The following DCAF11 variants were observed in gnomAD, a reference collection of about 807,000 sequenced individuals.
The protein encoded by DCAF11 is DDB1 and CUL4 associated factor 11.
Under a neutral mutation model 76.1 loss-of-function variants are expected in DCAF11, and 44 were observed. The ratio of observed to expected loss-of-function variants is 0.58; its 90% CI spans 0.45 to 0.74. The LOEUF (loss-of-function observed/expected upper bound fraction) is 0.74, where lower values mean the gene tolerates loss of function less well. DCAF11 is among the 30% of genes least tolerant of loss of function. The probability of loss-of-function intolerance (pLI) is 0.00; values close to 1 mark genes in which losing one functional copy is unlikely to be tolerated. For synonymous variants in DCAF11, 258 were observed against 255.0 expected (o/e 1.01, Z -0.11); for missense variants, 604 against 709.4 (o/e 0.85, Z 1.69).
In DCAF11 at chr14:24,120,902, G is replaced by A. The variant is rs1216980455; in HGVS notation, c.1157G>A (p.Arg386His). 3.1e-6 allele frequency: 5 copies of A among 1,614,168 alleles called. No individual in the cohort carries two copies. The highest frequency in any genetic ancestry group is 1.6e-4 in the Middle Eastern group (1 of 6,062). Residue 386 changes from arginine (R) to histidine (H), a missense_variant, in exon 12 of 15, where the codon CGC (arginine) becomes CAC (histidine). Physicochemically the swap from Arg to His is conservative, Grantham distance 29. Transcript: ENST00000446197. ...DQTIKLWDIR[R>H]FSSREGMEAS... ...ACCATCAAACTCTGGGATATCCGAC[G>A]CTTTTCCAGCCGGGAAGGCATGGAA...
Position 24,117,146 on chromosome 14 carries a change from G to C in DCAF11, c.283+102G>C, listed in dbSNP as rs755234465. ...TTGAAAGAAGGTACGATAATTTAAG[G>C]AATAAGGAGTCCTTACAGCCCCAGT... On this transcript the variant is annotated intron_variant, in intron 3 of 14. Coordinates refer to ENST00000446197, the MANE Select transcript of DCAF11 (RefSeq NM_025230.5). The surrounding 1 kb of genome is among the most constrained non-coding windows in gnomAD (Gnocchi z 4.3). The C allele has an allele frequency of 6.2e-6, 10 of 1,606,564 alleles. No individual in the cohort carries two copies. Among genetic ancestry groups the C allele is most frequent in the Non-Finnish European group, 8.5e-6 (10 of 1,175,364 alleles).
At chr14:24,121,769 G>T (rs1361726165) in intron 13 of DCAF11, 2 of 425,282 alleles carry the variant, frequency 4.7e-6, no homozygotes, top group African/African-American at 3.9e-5. Context: ...CTGTTTTTCA[G>T]CCAGTCAAGA....
In DCAF11 at chr14:24,114,960, T is replaced by C; in HGVS notation, c.-547T>C. On this transcript the variant is annotated 5_prime_UTR_variant, in exon 1 of 15. Coordinates refer to ENST00000446197, the MANE Select transcript of DCAF11 (RefSeq NM_025230.5). ...TCGCGTGGGGCGGTTACCGCCGGCT[T>C]CAGTGGGAGGTGCTTCTCGGCTTCC... 1 of 986,000 alleles carries C rather than the reference T, an allele frequency of 1.0e-6. No individual in the cohort carries two copies. The highest frequency in any genetic ancestry group is 1.2e-6 in the Non-Finnish European group (1 of 829,996). The allele number at this position is 986,000 out of a possible 1,614,324, so 61.1% of individuals were successfully genotyped here.
intron 13 of DCAF11, among the ~76,000 whole-genome samples, chr14:24,122,490 C>CAAAAA (rs552258351): frequency 6.5e-5 from 3 of 46,400 alleles, no homozygotes; most frequent in Non-Finnish European, 1.3e-4. Flanking sequence ...GACTCCATCT[C>CAAAAA]AAAAAAAAAA....
At chr14:24,119,917 G>A (rs377174791) in intron 11 of DCAF11, 21 bp downstream of exon 11, 1 of 1,584,532 alleles carries the variant, frequency 6.3e-7, no homozygotes, top group African/African-American at 1.3e-5. Context: ...AGTCAGGACT[G>A]TACAGCCAGG....
At chr14:24,116,573 T>TG (rs2037573145) in intron 2 of DCAF11, among the ~76,000 whole-genome samples, 1 of 152,200 alleles carries the variant, frequency 6.6e-6, no homozygotes. Context: ...CAGAAGGAAA[T>TG]GCTGTGAGGA....
At chr14:24,123,133 G>T in intron 14 of DCAF11, 42 bp from the exon 15 acceptor site, 5 of 1,614,104 alleles carry the variant, frequency 3.1e-6, no homozygotes, top group Non-Finnish European at 4.2e-6. Flanking sequence ...GACTTGGGTG[G>T]GGGCAGCACA....
chr14:24,115,898 C>T (rs1330058364), intron 2 of DCAF11, 149 bp downstream of exon 2: 4 of 1,004,596 alleles, frequency 4.0e-6, no homozygotes, highest in Non-Finnish European at 5.6e-6. Flanking sequence ...TGCTGGGCAC[C>T]CATGGCACTC....
In DCAF11 at chr14:24,119,564, A is replaced by G. The variant is rs376746552; in HGVS notation, c.854A>G (p.Asn285Ser). The G allele has an allele frequency of 6.8e-6, 11 of 1,614,214 alleles. No individual in the cohort carries two copies. The highest frequency in any genetic ancestry group is 3.3e-5 in the Admixed American group (2 of 60,018). The change falls in exon 10 of 15, where the codon AAT (asparagine) becomes AGT (serine). Residue 285 changes from asparagine to serine, a missense_variant. Physicochemically the swap from Asn to Ser is conservative, Grantham distance 46 (BLOSUM62 1). Coordinates refer to ENST00000446197, the MANE Select transcript of DCAF11 (RefSeq NM_025230.5). ...CTTTATCCCTTCCCTTTCAGGGCCA[A>G]TGATGGCTGCCTGTATGTCTTTGAC... ...SDGREVLGGA[N>S]DGCLYVFDRE...
In DCAF11 at chr14:24,123,206, G is replaced by T. The variant is rs376302649; in HGVS notation, c.1538G>T (p.Arg513Leu). 4 of 1,598,592 alleles carry T rather than the reference G, an allele frequency of 2.5e-6. No individual in the cohort carries two copies. In the African/African-American group the frequency reaches 5.4e-5, roughly 21 times the overall value. The change falls in exon 15 of 15, where the codon CGC (arginine) becomes CTC (leucine). Residue 513 changes from arginine (R) to leucine (L), a missense_variant. By Grantham distance (102) the Arg-to-Leu change is moderately radical. Coordinates refer to ENST00000446197, the MANE Select transcript of DCAF11 (RefSeq NM_025230.5). The stretch of plus-strand genomic sequence containing the variant: ...GGGAACCTGCGTCTGTGGCAGTACC[G>T]CCAGGCTGAGTACTTCCAGGATGAC... ...WDGNLRLWQY[R>L]QAEYFQDDMP...
In DCAF11 at chr14:24,115,770, A is replaced by T. The variant is rs371818343; in HGVS notation, c.155+21A>T. 75 of 1,605,876 alleles carry T rather than the reference A, an allele frequency of 4.7e-5. No individual in the cohort carries two copies. The African/African-American group carries it at 9.8e-4, about 21-fold the overall frequency. ...CGCAGGTAACTTACCCTCTGGTGTGACCCCCAGCAGGTGCTACCACAGTGC... is the reference window on the plus strand; with the variant it reads ...CGCAGGTAACTTACCCTCTGGTGTGTCCCCCAGCAGGTGCTACCACAGTGC... On this transcript the variant is annotated intron_variant, in intron 2 of 14. Transcript: ENST00000446197.
chr14:24,114,827 C>G lies in DCAF11; in HGVS notation c.-680C>G, dbSNP rs1594329614. Reference sequence around the variant, plus strand: ...AGGAAGCCGCGAGATGCGTGACGAGCGAAGCGCGTGACGGAGGAGCGGTTG... The same window carrying G: ...AGGAAGCCGCGAGATGCGTGACGAGGGAAGCGCGTGACGGAGGAGCGGTTG... On this transcript the variant is annotated 5_prime_UTR_variant, in exon 1 of 15. Coordinates refer to ENST00000446197, the MANE Select transcript of DCAF11 (RefSeq NM_025230.5). 1 of 985,962 alleles carries G rather than the reference C, an allele frequency of 1.0e-6. No homozygotes were observed. Among genetic ancestry groups the G allele is most frequent in the East Asian group, 1.1e-4 (1 of 8,814 alleles). 61.1% of individuals were successfully genotyped at this position (985,962 alleles called of 1,614,324 possible).
At position 24,117,962 on chromosome 14, in the gene DCAF11, T is replaced by A; in HGVS notation, c.477-93T>A. On this transcript the variant is annotated intron_variant, in intron 5 of 14. Transcript: ENST00000446197. The surrounding 1 kb of genome is among the most constrained non-coding windows in gnomAD (Gnocchi z 4.3). ...CTCACAGCCAAAAGGGAAGAATGAC[T>A]GTTCTGATATTCCAGCTCTGTTAGG... is the stretch of plus-strand genomic sequence containing the variant. The A allele has an allele frequency of 1.0e-6, 1 of 987,546 alleles. No homozygotes were observed. The highest frequency in any genetic ancestry group is 1.5e-5 in the South Asian group (1 of 66,128). 61.2% of individuals were successfully genotyped at this position (987,546 alleles called of 1,614,324 possible). A position where few individuals can be genotyped will look rare whatever the true frequency, so the allele number is the denominator to read the frequency against.
intron 12 of DCAF11, 138 bp downstream of exon 12, chr14:24,121,129 TG>T (rs1161827917): frequency 7.5e-6 from 10 of 1,331,798 alleles, no homozygotes; most frequent in Admixed American, 5.0e-5. Flanking sequence ...TTCCTAGGAT[TG>T]GGGCCTGGGT....
intron 9 of DCAF11, 67 bp downstream of exon 9, chr14:24,119,280 T>C (rs932458463): frequency 6.0e-5 from 96 of 1,587,856 alleles, no homozygotes; most frequent in Non-Finnish European, 8.0e-5. Flanking sequence ...TGAGTTCTGC[T>C]GTTACACAGA....
chr14:24,115,451 C>T lies in DCAF11; in HGVS notation c.-144C>T, dbSNP rs2139007718. ...GGCTAAAGAAAAGGGATCTCAGCCC[C>T]GAGGAAGGGTCACCCTCCTAGAGAT... On this transcript the variant is annotated 5_prime_UTR_variant, in exon 2 of 15. Transcript: ENST00000446197. 6 of 1,217,976 alleles carry T rather than the reference C, an allele frequency of 4.9e-6. No homozygotes were observed. The East Asian group carries it at 1.3e-4, about 26-fold the overall frequency. 75.4% of individuals were successfully genotyped at this position (1,217,976 alleles called of 1,614,324 possible).
At position 24,121,086 on chromosome 14, in the gene DCAF11, T is replaced by C; in HGVS notation, c.1246+95T>C. ...CCCTCTTTGCCAGGCATTAACTCTT[T>C]ATTTGCTAAATCATGGATGGAATGG... On this transcript the variant is annotated intron_variant, in intron 12 of 14. Transcript: ENST00000446197. 7 of 1,506,704 alleles carry C rather than the reference T, an allele frequency of 4.6e-6. No individual in the cohort carries two copies. The South Asian group carries it at 8.9e-5, about 19-fold the overall frequency. 93.3% of individuals were successfully genotyped at this position (1,506,704 alleles called of 1,614,324 possible). A position where few individuals can be genotyped will look rare whatever the true frequency, so the allele number is the denominator to read the frequency against.
chr14:24,115,938 C>T (rs1322254097), intron 2 of DCAF11, among the ~76,000 whole-genome samples, 189 bp downstream of exon 2: 1 of 151,994 alleles, frequency 6.6e-6, no homozygotes, highest in Admixed American at 6.6e-5. Context: ...GTGGTTCTTA[C>T]CTAGGGAGGG....
In DCAF11 at chr14:24,117,530, A is replaced by G. The variant is rs760388233; in HGVS notation, c.411+137A>G. 24 of 1,522,958 alleles carry G rather than the reference A, an allele frequency of 1.6e-5. No homozygotes were observed. The highest frequency in any genetic ancestry group is 2.1e-5 in the Non-Finnish European group (24 of 1,120,240). The allele number at this position is 1,522,958 out of a possible 1,614,324, so 94.3% of individuals were successfully genotyped here. A position where few individuals can be genotyped will look rare whatever the true frequency, so the allele number is the denominator to read the frequency against. ...GGGGCTGGAGAGTTAACCAGCCTCCATCGGAGTTCTGTGGGACAGACTATG... is the reference window on the plus strand; with the variant it reads ...GGGGCTGGAGAGTTAACCAGCCTCCGTCGGAGTTCTGTGGGACAGACTATG... On this transcript the variant is annotated intron_variant, in intron 4 of 14. Coordinates refer to ENST00000446197, the MANE Select transcript of DCAF11 (RefSeq NM_025230.5). This position sits in a 1 kb window ranked among gnomAD's most constrained non-coding sequence, Gnocchi z 4.3.
Sources: gnomAD v4.1 joint callset for allele counts (sites outside exome capture counted in the v4.1 genomes callset) on GRCh38, gnomAD v4.1.1 for gene constraint, Gnocchi (gnomAD v3.1) non-coding constraint, MANE v1.5 for transcripts, NCBI Gene and HGNC (gene_info 2026-07-23, HGNC 2026-07-21) for gene names.